The following KLC1 variants were observed in gnomAD, a reference collection of about 807,000 sequenced individuals.
The protein encoded by KLC1 is kinesin 2 60/70kDa.
KLC1 carries 30 observed loss-of-function variants against 84.2 expected under a neutral mutation model. That is an observed-to-expected ratio of 0.36 (90% confidence interval 0.27 to 0.48). The LOEUF is 0.48. KLC1 is among the 20% of genes least tolerant of loss of function. The pLI, the probability that KLC1 is intolerant of heterozygous loss-of-function variation, is 0.99. For missense variants in KLC1, 499 were observed against 805.4 expected, an observed-to-expected ratio of 0.62 and a Z score of 4.60; for synonymous variants, 289 against 293.3, an observed-to-expected ratio of 0.99 and a Z score of 0.15.
chr14:103,679,507 G>C lies in KLC1; in HGVS notation c.1612G>C (p.Gly538Arg). 1 of 1,614,040 alleles carries C rather than the reference G, an allele frequency of 6.2e-7. No homozygotes were observed. Among genetic ancestry groups the C allele is most frequent in the Non-Finnish European group, 8.5e-7 (1 of 1,179,936 alleles). The change falls in exon 13 of 17, where the codon GGA (glycine) becomes CGA (arginine). Residue 538 changes from glycine to arginine, a missense_variant. This residue lies in a region of KLC1 where 167 missense variants were observed against 208.8 expected (regional missense o/e 0.80). Coordinates refer to ENST00000334553, the MANE Select transcript of KLC1 (RefSeq NM_001394837.1). The stretch of plus-strand genomic sequence containing the variant: ...GGTCAAGTACGAGAGTGGCCCTGAC[G>C]GAGGGGAGGAAGTGAGTATGAGCGT... The part of the protein sequence containing the change: ...DVVKYESGPD[G>R]GEEVSMSVEW...
intron 3 of KLC1, 133 bp from the exon 4 acceptor site, chr14:103,661,983 C>T (rs893377938): frequency 1.5e-6 from 1 of 666,406 alleles, no homozygotes. Flanking sequence ...TGTCGGCGAT[C>T]CTACATTTGA....
chr14:103,677,641 T>A, intron 12 of KLC1, 118 bp downstream of exon 12: 3 of 707,586 alleles, frequency 4.2e-6, no homozygotes, highest in Middle Eastern at 2.4e-4. Flanking sequence ...TATTTTAGTT[T>A]GAACAAATAA....
Position 103,687,109 on chromosome 14 carries a change from G to A in KLC1, c.1679G>A (p.Gly560Asp). ...GDGTGSLKRS[G>D]SFSKLRASIR... is the part of the protein sequence containing the mutation. ...GGCACTGGATCTTTAAAACGCAGTG[G>A]TTCCTTTAGCAAACTCCGGGCTTCC... Residue 560 changes from glycine (G) to aspartate (D), a missense_variant, in exon 14 of 17, where the codon GGT becomes GAT. Gly to Asp is a moderately conservative substitution (Grantham distance 94, BLOSUM62 -1). This residue lies in a region of KLC1 where 167 missense variants were observed against 208.8 expected (regional missense o/e 0.80). Transcript: ENST00000334553. 1 of 1,545,056 alleles carries A rather than the reference G, an allele frequency of 6.5e-7. No individual in the cohort carries two copies. The highest frequency in any genetic ancestry group is 8.8e-7 in the Non-Finnish European group (1 of 1,141,932).
rs185717552 is a variant in KLC1 at position 103,695,704 on chromosome 14, G to T, written c.1848+3279G>T. 1.0e-3 allele frequency: 995 copies of T among 985,436 alleles called. 4 individuals are homozygous for T. In the African/African-American group the frequency reaches 0.016, roughly 16 times the overall value. The allele number at this position is 985,436 out of a possible 1,614,324, so 61.0% of individuals were successfully genotyped here. A position where few individuals can be genotyped will look rare whatever the true frequency, so the allele number is the denominator to read the frequency against. ...ATGGGTGCAGACGAGGTTGTGTGGG[G>T]CCTCTGTGGAGCCTGCTGTGGCTTC... On this transcript the variant is annotated intron_variant, in intron 15 of 16. Transcript: ENST00000334553.
chr14:103,698,731 G>A lies in KLC1; in HGVS notation c.1849-1924G>A, dbSNP rs1032706066. ...GCTGTGCCACGGCCCAGGCAGACGC[G>A]TTTTAAAGGCCCGAGCCCCGTGTGT... is the stretch of plus-strand genomic sequence containing the variant. On this transcript the variant is annotated intron_variant, in intron 15 of 16. Transcript: ENST00000334553. 28 of 1,454,618 alleles carry A rather than the reference G, an allele frequency of 1.9e-5. 1 individual carries two copies. The Admixed American group carries it at 2.5e-4, about 13-fold the overall frequency. The allele number at this position is 1,454,618 out of a possible 1,614,324, so 90.1% of individuals were successfully genotyped here.
chr14:103,673,157 C>T lies in KLC1; in HGVS notation c.1131C>T (p.Asp377=), dbSNP rs1336482395. 2 of 1,613,486 alleles carry T rather than the reference C, an allele frequency of 1.2e-6. No homozygotes were observed. The highest frequency in any genetic ancestry group is 1.7e-6 in the Non-Finnish European group (2 of 1,179,894). ...ACCAGACAAAACTGGGACCTGATGA[C>T]CCCAACGTGGCTAAGACGAAAAATA... ...EIYQTKLGPD[D]PNVAKTKNNL... is the part of the protein sequence containing the mutation. Residue 377 remains aspartate (D), a synonymous_variant, in exon 8 of 17, where the codon GAC becomes GAT. Transcript: ENST00000334553.
chr14:103,696,091 C>CGGGGGGGGGGGGGGGGGGGGGGG (rs2082460992), intron 15 of KLC1: 4 of 744,680 alleles, frequency 5.4e-6, no homozygotes, highest in Non-Finnish European at 6.0e-6. Flanking sequence ...ATAATCACTG[C>CGGGGGGGGGGGGGGGGGGGGGGG]GCCCCCGCCC....
intron 7 of KLC1, among the ~76,000 whole-genome samples, chr14:103,671,925 A>G (rs1430397101): frequency 6.6e-6 from 1 of 152,208 alleles, no homozygotes; most frequent in Non-Finnish European, 1.5e-5. Context: ...GGAACCATAT[A>G]AGATGACCTG....
chr14:103,697,112 A>G (rs2151889104), intron 15 of KLC1: 1 of 985,346 alleles, frequency 1.0e-6, no homozygotes, highest in South Asian at 4.7e-5. Context: ...GGAATTGCTT[A>G]TGTTCAATTA....
chr14:103,662,741 A>C lies in KLC1; in HGVS notation c.611A>C (p.Gln204Pro). The C allele has an allele frequency of 6.2e-7, 1 of 1,609,102 alleles. No homozygotes were observed. The highest frequency in any genetic ancestry group is 1.7e-5 in the Admixed American group (1 of 59,306). Residue 204 changes from glutamine (Q) to proline (P), a missense_variant, in exon 5 of 17, where the codon CAG becomes CCG. By Grantham distance (76) the Gln-to-Pro change is moderately conservative. Transcript: ENST00000334553. ...AGCAGTGCAGCCGCGGCTGCCCAGC[A>C]GGGCGGCTACGAGATCCCCGCGCGG... ...QHSSAAAAAQ[Q>P]GGYEIPARLR...
chr14:103,695,464 C>A (rs1595590568), intron 15 of KLC1: 1 of 985,066 alleles, frequency 1.0e-6, no homozygotes, highest in Non-Finnish European at 1.2e-6. Flanking sequence ...GCCGTGGCTG[C>A]CCCCGTAGTG....
At chr14:103,647,508 G>A (rs973407542) in intron 1 of KLC1, among the ~76,000 whole-genome samples, 2 of 152,030 alleles carry the variant, frequency 1.3e-5, no homozygotes, top group South Asian at 4.1e-4. Context: ...GGGATTACAG[G>A]GAGAGCCACT....
At chr14:103,698,909 G>T in intron 15 of KLC1, 1 of 1,599,380 alleles carries the variant, frequency 6.3e-7, no homozygotes. Context: ...TCCGGGCTGG[G>T]CAGCCGAGGG....
intron 15 of KLC1, among the ~76,000 whole-genome samples, chr14:103,692,972 G>C (rs1320644008): frequency 1.3e-5 from 2 of 152,196 alleles, no homozygotes; most frequent in African/African-American, 2.4e-5. Flanking sequence ...CCATCACGGA[G>C]GCCGTTTGAG....
intron 1 of KLC1, among the ~76,000 whole-genome samples, chr14:103,643,857 G>C (rs2077683114): frequency 6.6e-6 from 1 of 152,028 alleles, no homozygotes; most frequent in Non-Finnish European, 1.5e-5. Context: ...GAGCGCAGAA[G>C]GTGGAGGTTG....
chr14:103,673,112 T>C lies in KLC1; in HGVS notation c.1086T>C (p.Tyr362=), dbSNP rs1330145194. 5 of 1,613,820 alleles carry C rather than the reference T, an allele frequency of 3.1e-6. No homozygotes were observed. The highest frequency in any genetic ancestry group is 3.4e-6 in the Non-Finnish European group (4 of 1,179,990). Residue 362 remains tyrosine, a synonymous_variant, in exon 8 of 17, where the codon TAT becomes TAC. Coordinates refer to ENST00000334553, the MANE Select transcript of KLC1 (RefSeq NM_001394837.1). The stretch of plus-strand genomic sequence containing the variant: ...AGTATGAAGAAGTAGAATATTATTA[T>C]CAAAGAGCCCTCGAGATCTACCAGA... The part of the protein sequence containing the change: ...QGKYEEVEYY[Y]QRALEIYQTK...
At chr14:103,685,462 C>T in intron 13 of KLC1, 2 of 1,220,786 alleles carry the variant, frequency 1.6e-6, no homozygotes, top group Non-Finnish European at 2.1e-6. Flanking sequence ...GGCCCAGCAC[C>T]TGCTTTATGC....
At chr14:103,634,625 A>C (rs1444683505) in intron 1 of KLC1, among the ~76,000 whole-genome samples, 1 of 152,168 alleles carries the variant, frequency 6.6e-6, no homozygotes, top group Non-Finnish European at 1.5e-5. Context: ...TGGGAAACCA[A>C]GAGAAGAGGA....
In KLC1 at chr14:103,660,444, G is replaced by A. The variant is rs534662193; in HGVS notation, c.493-1672G>A. ...TGCAGTGAGCCAAGATCATGCCACC[G>A]CACTCCAGTCTAGATGACAGAGTAA... On this transcript the variant is annotated intron_variant, in intron 3 of 16. Coordinates refer to ENST00000334553, the MANE Select transcript of KLC1 (RefSeq NM_001394837.1). Among the ~76,000 whole-genome samples, 73 of 146,018 alleles carry A rather than the reference G, an allele frequency of 5.0e-4. 3 individuals are homozygous for A. Among genetic ancestry groups the A allele is most frequent in the Admixed American group, 1.8e-3 (26 of 14,312 alleles).
Sources: allele counts gnomAD v4.1 joint callset (sites outside exome capture counted in the v4.1 genomes callset), GRCh38; gene constraint gnomAD v4.1.1; regional missense constraint gnomAD v4.1.1; transcripts MANE v1.5; gene names NCBI Gene and HGNC (gene_info 2026-07-23, HGNC 2026-07-21).